BTN2A1: variants seen among roughly 807,000 people sequenced by gnomAD.
BTN2A1 encodes butyrophilin, subfamily 2, member A1.
BTN2A1 carries 41 observed loss-of-function variants against 34.5 expected under a neutral mutation model. That is an observed-to-expected ratio of 1.19 (90% CI 0.93 to 1.54). BTN2A1 has a LOEUF of 1.54. BTN2A1 is among the 40% of genes most tolerant of loss of function. The pLI is 0.00. For synonymous variants in BTN2A1, 267 were observed against 258.6 expected, an observed-to-expected ratio of 1.03 and a Z score of -0.31; for missense variants, 642 against 662.0, an observed-to-expected ratio of 0.97 and a Z score of 0.33.
intron 7 of BTN2A1, chr6:26,467,668 T>C (rs1561873011): frequency 1.3e-6 from 2 of 1,524,708 alleles, no homozygotes; most frequent in East Asian, 2.3e-5. Context: ...TGAGAGAAAG[T>C]ATAAGAATGA....
intron 3 of BTN2A1, among the ~76,000 whole-genome samples, chr6:26,462,561 C>A (rs1481606725): frequency 4.6e-5 from 7 of 152,178 alleles, no homozygotes; most frequent in South Asian, 4.1e-4. Context: ...ACAACAAAAG[C>A]AATACTGCCT....
In BTN2A1 at chr6:26,458,787, G is replaced by C. The variant is rs7750281; in HGVS notation, c.82+69G>C. ...ACATCAACCCTGTAGTCTGCAAAGG[G>C]AAAGAAAGAAGGACTGTGGAGTTGT... On this transcript the variant is annotated intron_variant, in intron 2 of 7. Transcript: ENST00000312541. 0.028 allele frequency: 44,349 copies of C among 1,566,886 alleles called. 4,985 individuals are homozygous for C. The African/African-American group carries it at 0.35, about 12-fold the overall frequency.
Position 26,460,767 on chromosome 6 carries a change from A to G in BTN2A1, c.430+939A>G, listed in dbSNP as rs561369771. Among the ~76,000 whole-genome samples the G allele has an allele frequency of 1.1e-3, 171 of 152,178 alleles. 4 individuals are homozygous for G. The South Asian group carries it at 0.031, about 28-fold the overall frequency. On this transcript the variant is annotated intron_variant, in intron 3 of 7. Transcript: ENST00000312541. ...TACTAAAAATACAGAAACATTAGCC[A>G]GGCTTTGTGGAGTGTGCCTGTAATC...
chr6:26,460,928 A>G (rs923607644), intron 3 of BTN2A1, among the ~76,000 whole-genome samples: 1 of 152,078 alleles, frequency 6.6e-6, no homozygotes, highest in Non-Finnish European at 1.5e-5. Flanking sequence ...AACAACAACA[A>G]AAAAGATATA....
downstream of BTN2A1, among the ~76,000 whole-genome samples, chr6:26,472,760 A>G (rs1763473521): frequency 6.6e-6 from 1 of 152,100 alleles, no homozygotes; most frequent in South Asian, 2.1e-4. Context: ...GATACACTAG[A>G]CGTTGAAGGG....
In BTN2A1 at chr6:26,463,327, C is replaced by A. The variant is rs759778418; in HGVS notation, c.514C>A (p.Pro172Thr). The A allele has an allele frequency of 1.9e-6, 3 of 1,613,782 alleles. No individual in the cohort carries two copies. Among genetic ancestry groups the A allele is most frequent in the East Asian group, 4.5e-5 (2 of 44,866 alleles). The change falls in exon 4 of 8, where the codon CCA becomes ACA. Residue 172 changes from proline (P) to threonine (T), a missense_variant. By Grantham distance (38) the Pro-to-Thr change is conservative. Coordinates refer to ENST00000312541, the MANE Select transcript of BTN2A1 (RefSeq NM_007049.5). ...GGAGTGCATATCTAGAGGGTGGTAC[C>A]CAAAGCCCCTCACAGTGTGGAGGGA... Reference protein sequence around the residue: ...RLECISRGWYPKPLTVWRDPY... With the variant: ...RLECISRGWYTKPLTVWRDPY...
At chr6:26,462,138 G>A (rs1316871220) in intron 3 of BTN2A1, among the ~76,000 whole-genome samples, 1 of 152,202 alleles carries the variant, frequency 6.6e-6, no homozygotes, top group African/African-American at 2.4e-5. Context: ...CTCAGAAGAA[G>A]TTTAGATGGT....
chr6:26,458,928 T>A (rs554362949), intron 2 of BTN2A1, among the ~76,000 whole-genome samples: 1 of 152,214 alleles, frequency 6.6e-6, no homozygotes, highest in East Asian at 1.9e-4. Flanking sequence ...TCAAAAAAAA[T>A]TAAATTTTAC....
rs146688212 is a variant in BTN2A1 at position 26,459,504 on chromosome 6, A to G, written c.106A>G (p.Thr36Ala). The G allele has an allele frequency of 8.1e-5, 131 of 1,613,894 alleles. 1 individual carries two copies. The African/African-American group carries it at 1.5e-3, about 19-fold the overall frequency. Residue 36 changes from threonine to alanine, a missense_variant, in exon 3 of 8, where the codon ACT becomes GCT. Coordinates refer to ENST00000312541, the MANE Select transcript of BTN2A1 (RefSeq NM_007049.5). The stretch of plus-strand genomic sequence containing the variant: ...AGCCCAGTTTATTGTCGTGGGGCCC[A>G]CTGATCCCATCTTGGCCACGGTTGG... ...VSAQFIVVGPTDPILATVGEN... is the reference protein window; with the variant it reads ...VSAQFIVVGPADPILATVGEN...
chr6:26,458,876 C>T (rs1220148651), intron 2 of BTN2A1, among the ~76,000 whole-genome samples, 158 bp downstream of exon 2: 1 of 152,100 alleles, frequency 6.6e-6, no homozygotes, highest in African/African-American at 2.4e-5. Flanking sequence ...AAAAGGAATA[C>T]AGTGAGGCAC....
At position 26,468,648 on chromosome 6, in the gene BTN2A1, G is replaced by A. The variant is rs1763389402; in HGVS notation, c.*99G>A. The A allele has an allele frequency of 6.2e-7, 1 of 1,613,688 alleles. No individual in the cohort carries two copies. Among genetic ancestry groups the A allele is most frequent in the Non-Finnish European group, 8.5e-7 (1 of 1,180,010 alleles). ...TGGAAGACACGCCCTCCTCCCCTCTGGTCACACAAGAGAACATCTTCCAGC... is the reference window on the plus strand; with the variant it reads ...TGGAAGACACGCCCTCCTCCCCTCTAGTCACACAAGAGAACATCTTCCAGC... On this transcript the variant is annotated 3_prime_UTR_variant, in exon 8 of 8. Coordinates refer to ENST00000312541, the MANE Select transcript of BTN2A1 (RefSeq NM_007049.5).
chr6:26,473,715 TTC>T (rs1310843625), downstream of BTN2A1, among the ~76,000 whole-genome samples: 2 of 152,242 alleles, frequency 1.3e-5, no homozygotes, highest in African/African-American at 2.4e-5. Context: ...CTCCTGATAT[TTC>T]TGTTATGATA....
chr6:26,463,204 A>G, intron 3 of BTN2A1, 40 bp from the exon 4 acceptor site: 2 of 1,532,328 alleles, frequency 1.3e-6, no homozygotes, highest in African/African-American at 2.8e-5. Flanking sequence ...GAGATGCAAA[A>G]GGCACTGACT....
intron 3 of BTN2A1, chr6:26,462,707 C>G (rs1293008287): frequency 2.3e-6 from 2 of 882,884 alleles, no homozygotes; most frequent in African/African-American, 3.5e-5. Flanking sequence ...AAGTTCTGAA[C>G]TAGACAGAAG....
intron 3 of BTN2A1, among the ~76,000 whole-genome samples, chr6:26,461,793 C>CAATA (rs1561869762): frequency 3.9e-4 from 2 of 5,176 alleles, no homozygotes; most frequent in African/African-American, 6.1e-4. Flanking sequence ...AAAAATAAAT[C>CAATA]AATAAATAAA....
At chr6:26,475,802 G>A (rs996108090) in intron 7 of BTN2A1, among the ~76,000 whole-genome samples, 3 of 151,920 alleles carry the variant, frequency 2.0e-5, no homozygotes, top group Non-Finnish European at 2.9e-5. Flanking sequence ...CTGGATTGAG[G>A]GGAAAAATTT....
rs775288227 is a variant in BTN2A1 at position 26,458,751 on chromosome 6, A to T, written c.82+33A>T. On this transcript the variant is annotated intron_variant, in intron 2 of 7. Transcript: ENST00000312541. ...TGTGTGCCACTTGCTGCTGTCACCT[A>T]TCAGAAAGGAACATCAACCCTGTAG... 8 of 1,607,208 alleles carry T rather than the reference A, an allele frequency of 5.0e-6. No individual in the cohort carries two copies. In the Admixed American group the frequency reaches 1.3e-4, roughly 27 times the overall value.
rs1197333000 is a variant in BTN2A1 at position 26,468,792 on chromosome 6, TG to T, written c.*244del. 51 of 1,592,536 alleles carry T rather than the reference TG, an allele frequency of 3.2e-5. No individual in the cohort carries two copies. The African/African-American group carries it at 6.4e-4, about 20-fold the overall frequency. ...TGGGATCCAGGCATAGGGAACTAGT[TG>T]TTACACAGCTCCCAGCCAAGAAGAA... On this transcript the variant is annotated 3_prime_UTR_variant, in exon 8 of 8. Coordinates refer to ENST00000312541, the MANE Select transcript of BTN2A1 (RefSeq NM_007049.5).
rs1424284826 is a variant in BTN2A1 at position 26,459,680 on chromosome 6, A to G, written c.282A>G (p.Gly94=). Residue 94 remains glycine, a synonymous_variant, in exon 3 of 8, where the codon GGA becomes GGG. Coordinates refer to ENST00000312541, the MANE Select transcript of BTN2A1 (RefSeq NM_007049.5). ...RTEEQMEEYR[G]RTTFVSKDIS... is the part of the protein sequence containing the mutation. ...AGGAGCAGATGGAGGAGTACCGAGGAAGAACCACCTTTGTGAGCAAAGACA... is the reference window on the plus strand; with the variant it reads ...AGGAGCAGATGGAGGAGTACCGAGGGAGAACCACCTTTGTGAGCAAAGACA... The G allele has an allele frequency of 1.1e-5, 18 of 1,614,046 alleles. No homozygotes were observed. The Admixed American group carries it at 2.0e-4, about 18-fold the overall frequency.
Sources: allele counts gnomAD v4.1 joint callset (sites outside exome capture counted in the v4.1 genomes callset), GRCh38; gene constraint gnomAD v4.1.1; transcripts MANE v1.5; gene names NCBI Gene and HGNC (gene_info 2026-07-23, HGNC 2026-07-21).